Variants in CDH1 observed in about 807,000 individuals in gnomAD.
CDH1 encodes cadherin 1, also known as cadherin-1.
CDH1 carries 35 observed loss-of-function variants against 84.5 expected under a neutral mutation model. The observed-to-expected ratio is 0.41, with a 90% CI of 0.32 to 0.55. The LOEUF is 0.55. Among genes scored for constraint, CDH1 ranks in the 20% least tolerant of loss-of-function variants. The pLI, the probability that CDH1 is intolerant of heterozygous loss-of-function variation, is 0.19. For missense variants in CDH1, 994 were observed against 1,126.6 expected (o/e 0.88, Z 1.68); for synonymous variants, 417 against 439.0 (o/e 0.95, Z 0.63).
chr16:68,809,698 G>A (rs947762337), intron 5 of CDH1, among the ~76,000 whole-genome samples: 1 of 151,822 alleles, frequency 6.6e-6, no homozygotes, highest in Non-Finnish European at 1.5e-5. Context: ...GTTAATTTTT[G>A]TATTTTTTGT....
intron 11 of CDH1, among the ~76,000 whole-genome samples, chr16:68,820,207 A>T (rs1961102303): frequency 6.6e-6 from 1 of 152,020 alleles, no homozygotes; most frequent in Non-Finnish European, 1.5e-5. Flanking sequence ...TCCAAAAAAA[A>T]AATTGTTTTT....
chr16:68,756,519 C>G (rs540563576), intron 2 of CDH1, among the ~76,000 whole-genome samples: 1 of 152,224 alleles, frequency 6.6e-6, no homozygotes, highest in South Asian at 2.1e-4. Flanking sequence ...CCAGGAGATA[C>G]TAGCCCTAGA....
intron 2 of CDH1, among the ~76,000 whole-genome samples, chr16:68,769,711 G>A (rs62057850): frequency 0.37 from 56,575 of 151,264 alleles, 11,323 homozygotes; most frequent in East Asian, 0.48. Context: ...GAGTATCGCC[G>A]GAGTCCAGGA....
At position 68,829,830 on chromosome 16, in the gene CDH1, C is replaced by T. The variant is rs756784483; in HGVS notation, c.2439+33C>T. 3.7e-6 allele frequency: 6 copies of T among 1,605,806 alleles called. No homozygotes were observed. In the South Asian group the frequency reaches 5.5e-5, roughly 15 times the overall value. ...ATCCACGTGGAAAGCCAAAGCATGG[C>T]TCATCTCTAAGCTCAGGAGGAGTTG... On this transcript the variant is annotated intron_variant, in intron 15 of 15. Transcript: ENST00000261769.
chr16:68,758,766 AAAGAAT>A (rs1963085609), intron 2 of CDH1, among the ~76,000 whole-genome samples: 4 of 151,962 alleles, frequency 2.6e-5, no homozygotes, highest in Admixed American at 2.6e-4. Flanking sequence ...TTGACCTCCT[AAAGAAT>A]AAGACGCTCC....
intron 2 of CDH1, among the ~76,000 whole-genome samples, chr16:68,744,069 C>G (rs1962661317): frequency 6.6e-6 from 1 of 152,216 alleles, no homozygotes; most frequent in African/African-American, 2.4e-5. Context: ...GTTGATATTT[C>G]TTAGGGACAC....
At chr16:68,772,046 A>C (rs933679433) in intron 2 of CDH1, among the ~76,000 whole-genome samples, 1 of 152,346 alleles carries the variant, frequency 6.6e-6, no homozygotes, top group African/African-American at 2.4e-5. Context: ...AAGGTGGCAT[A>C]GTTGATAAGT....
At chr16:68,796,828 ATGT>A (rs768964638) in intron 2 of CDH1, among the ~76,000 whole-genome samples, 34 of 152,214 alleles carry the variant, frequency 2.2e-4, no homozygotes, top group South Asian at 1.0e-3. Flanking sequence ...TAAGGAAAAT[ATGT>A]TGTTGTTGTT....
intron 13 of CDH1, among the ~76,000 whole-genome samples, 197 bp downstream of exon 13, chr16:68,823,823 T>TG (rs984730347): frequency 7.1e-4 from 108 of 152,186 alleles, no homozygotes; most frequent in African/African-American, 2.4e-3. Flanking sequence ...TGGTCTAAGA[T>TG]GGGAAGGCCA....
chr16:68,779,992 G>A (rs148574954), intron 2 of CDH1, among the ~76,000 whole-genome samples: 385 of 152,228 alleles, frequency 2.5e-3, no homozygotes, highest in Middle Eastern at 6.8e-3. Flanking sequence ...ATAAAAGCCC[G>A]GCTCTCTACA....
rs949840756 is a variant in CDH1 at position 68,834,258 on chromosome 16, C to T, written c.*759C>T. ...CATGAGCCACTGCACCTGCCCAGCT[C>T]CCCAACTCCCTGCCATTTTTTAAGA... On this transcript the variant is annotated 3_prime_UTR_variant, in exon 16 of 16. Transcript: ENST00000261769. 6 of 510,814 alleles carry T rather than the reference C, an allele frequency of 1.2e-5. No individual in the cohort carries two copies. Among genetic ancestry groups the T allele is most frequent in the Middle Eastern group, 5.8e-4 (2 of 3,440 alleles). The allele number at this position is 510,814 out of a possible 1,614,324, so 31.6% of individuals were successfully genotyped here. A position where few individuals can be genotyped will look rare whatever the true frequency, so the allele number is the denominator to read the frequency against.
intron 2 of CDH1, 122 bp from the exon 3 acceptor site, chr16:68,801,548 A>G (rs1365522509): frequency 2.5e-6 from 2 of 798,098 alleles, no homozygotes; most frequent in South Asian, 2.7e-5. Context: ...TCACCAGATT[A>G]TGGTTTGTTT....
chr16:68,810,999 C>T (rs532264925), intron 6 of CDH1, among the ~76,000 whole-genome samples: 1 of 152,258 alleles, frequency 6.6e-6, no homozygotes, highest in South Asian at 2.1e-4. Flanking sequence ...AGCTACTATA[C>T]CTGGCTAAGA....
intron 2 of CDH1, among the ~76,000 whole-genome samples, chr16:68,783,958 G>A (rs1959963633): frequency 6.6e-6 from 1 of 152,114 alleles, no homozygotes; most frequent in African/African-American, 2.4e-5. Context: ...ATTTAGGCAT[G>A]AGCCACCGTG....
chr16:68,801,640 T>A lies in CDH1; in HGVS notation c.164-30T>A, dbSNP rs763951944. On this transcript the variant is annotated intron_variant, in intron 2 of 15. Coordinates refer to ENST00000261769, the MANE Select transcript of CDH1 (RefSeq NM_004360.5). ...TGCTCTTGTCTTTAATCTGTCCAATTTCCTAATCTCTGTGATTTCTGCCCT... is the reference window on the plus strand; with the variant it reads ...TGCTCTTGTCTTTAATCTGTCCAATATCCTAATCTCTGTGATTTCTGCCCT... The A allele has an allele frequency of 1.1e-5, 17 of 1,569,506 alleles. 1 individual carries two copies. The South Asian group carries it at 1.3e-4, about 12-fold the overall frequency.
chr16:68,750,722 T>G (rs1279411082), intron 2 of CDH1, among the ~76,000 whole-genome samples: 1 of 151,570 alleles, frequency 6.6e-6, no homozygotes, highest in Non-Finnish European at 1.5e-5. Flanking sequence ...TTTTTTTTTT[T>G]TTTTAAGACA....
At chr16:68,808,349 GC>G (rs1960721563) in intron 3 of CDH1, 74 bp from the exon 4 acceptor site, 66 of 1,498,122 alleles carry the variant, frequency 4.4e-5, no homozygotes, top group Non-Finnish European at 5.9e-5. Context: ...ACGCTGTCTG[GC>G]TAGGTTGGAC....
intron 2 of CDH1, among the ~76,000 whole-genome samples, chr16:68,777,534 C>CTTTTTTTTTT (rs71148949): frequency 7.8e-5 from 6 of 76,986 alleles, no homozygotes; most frequent in African/African-American, 9.8e-5. Flanking sequence ...GTAATGTTTC[C>CTTTTTTTTTT]TTTTTTTTTT....
intron 3 of CDH1, among the ~76,000 whole-genome samples, chr16:68,804,736 G>T (rs1223423541): frequency 1.3e-5 from 2 of 150,406 alleles, no homozygotes; most frequent in South Asian, 4.2e-4. Flanking sequence ...AGGTGGTACT[G>T]TAATTAGATG....
Sources: allele counts gnomAD v4.1 joint callset (sites outside exome capture counted in the v4.1 genomes callset), GRCh38; gene constraint gnomAD v4.1.1; transcripts MANE v1.5; gene names NCBI Gene and HGNC (gene_info 2026-07-23, HGNC 2026-07-21).